Variants in LRRC2 observed in about 807,000 individuals in gnomAD.
LRRC2 encodes leucine rich repeat containing 2.
LRRC2 carries 27 observed loss-of-function variants against 40.2 expected under a neutral mutation model. The observed-to-expected ratio is 0.67, with a 90% CI of 0.49 to 0.93. The LOEUF (loss-of-function observed/expected upper bound fraction) is 0.93, where lower values mean the gene tolerates loss of function less well. Among genes scored for constraint, LRRC2 ranks in the 40% least tolerant of loss-of-function variants. The pLI, the probability that LRRC2 is intolerant of heterozygous loss-of-function variation, is 0.00. For synonymous variants in LRRC2, 147 were observed against 158.9 expected (o/e 0.92, Z 0.56); for missense variants, 402 against 439.6 (o/e 0.91, Z 0.76).
At chr3:46,566,118 A>C (rs1705057142) in intron 1 of LRRC2, 59 bp downstream of exon 1, 1 of 152,302 alleles carries the variant, frequency 6.6e-6, no homozygotes, top group African/African-American at 2.4e-5. Context: ...GCGTCCTCCC[A>C]CGGGGAGCGC....
intron 6 of LRRC2, among the ~76,000 whole-genome samples, chr3:46,529,579 T>G (rs1471185508): frequency 6.6e-6 from 1 of 152,236 alleles, no homozygotes; most frequent in Non-Finnish European, 1.5e-5. Context: ...GTGATATGTT[T>G]CTATTCTATA....
intron 2 of LRRC2, among the ~76,000 whole-genome samples, chr3:46,545,676 G>A (rs1222849687): frequency 1.3e-5 from 2 of 152,186 alleles, no homozygotes; most frequent in African/African-American, 4.8e-5. Context: ...TTTTATTCCT[G>A]TAGATGGACC....
intron 7 of LRRC2, 22 bp from the exon 8 acceptor site, chr3:46,521,680 G>A (rs750926777): frequency 6.3e-7 from 1 of 1,599,430 alleles, no homozygotes; most frequent in South Asian, 1.1e-5. Flanking sequence ...AGCATGGGAA[G>A]TATCACATTA....
At chr3:46,556,294 A>G (rs879858486) in intron 1 of LRRC2, among the ~76,000 whole-genome samples, 1 of 151,810 alleles carries the variant, frequency 6.6e-6, no homozygotes, top group Non-Finnish European at 1.5e-5. Context: ...TAATTTTTTT[A>G]AAAAAATATT....
chr3:46,527,325 G>C, intron 7 of LRRC2, 101 bp downstream of exon 7: 5 of 1,237,992 alleles, frequency 4.0e-6, no homozygotes, highest in African/African-American at 3.0e-5. Context: ...CAGAGTACGA[G>C]AGCCATCTAA....
intron 4 of LRRC2, among the ~76,000 whole-genome samples, chr3:46,533,799 G>GTTTCTTTCTTTCTTTCTTTCTTTCTTTC (rs139748444): frequency 1.3e-4 from 8 of 60,820 alleles, no homozygotes; most frequent in Admixed American, 1.9e-4. Context: ...TTCTTTCTTT[G>GTTTCTTTCTTTCTTTCTTTCTTTCTTTC]TTTCTTTCTT....
At chr3:46,550,069 A>T (rs1161834923) in intron 2 of LRRC2, among the ~76,000 whole-genome samples, 1 of 152,158 alleles carries the variant, frequency 6.6e-6, no homozygotes, top group Non-Finnish European at 1.5e-5. Context: ...GCAATCCTTT[A>T]TGTCATATTG....
At chr3:46,526,999 G>C (rs993481985) in intron 7 of LRRC2, among the ~76,000 whole-genome samples, 1 of 152,236 alleles carries the variant, frequency 6.6e-6, no homozygotes, top group African/African-American at 2.4e-5. Flanking sequence ...CCAGATTGGA[G>C]GCTGTTTGGA....
intron 6 of LRRC2, among the ~76,000 whole-genome samples, chr3:46,528,992 C>T (rs1704111529): frequency 6.6e-6 from 1 of 152,044 alleles, no homozygotes; most frequent in South Asian, 2.1e-4. Flanking sequence ...TGGCACACAT[C>T]TGTGGCCCCA....
At chr3:46,528,708 T>C (rs1185779173) in intron 6 of LRRC2, among the ~76,000 whole-genome samples, 1 of 152,138 alleles carries the variant, frequency 6.6e-6, no homozygotes, top group Non-Finnish European at 1.5e-5. Flanking sequence ...CTAGAAAGCA[T>C]CAATACACAT....
intron 1 of LRRC2, among the ~76,000 whole-genome samples, chr3:46,563,143 A>G (rs751416496): frequency 6.6e-6 from 1 of 152,022 alleles, no homozygotes; most frequent in South Asian, 2.1e-4. Flanking sequence ...GTTATCACCT[A>G]CATCTTAGAG....
chr3:46,521,578 C>T lies in LRRC2; in HGVS notation c.1010G>A (p.Arg337His), dbSNP rs746621733. The change falls in exon 8 of 9, where the codon CGC (arginine) becomes CAC (histidine). Residue 337 changes from arginine to histidine, a missense_variant. By Grantham distance (29) the Arg-to-His change is conservative (BLOSUM62 0). Coordinates refer to ENST00000395905, the MANE Select transcript of LRRC2 (RefSeq NM_024512.5). ...CATAACTTCTTTATCAAAATGTTGG[C>T]GATCCCGTTCACTTTCCATTATTTC... is the stretch of plus-strand genomic sequence containing the variant. ...GNEIMESERD[R>H]QHFDKEVMKA... The T allele has an allele frequency of 2.6e-5, 42 of 1,612,652 alleles. No homozygotes were observed. The highest frequency in any genetic ancestry group is 2.0e-4 in the South Asian group (18 of 91,014).
chr3:46,544,857 C>T (rs183012590), intron 3 of LRRC2, among the ~76,000 whole-genome samples, 189 bp downstream of exon 3: 14 of 152,338 alleles, frequency 9.2e-5, no homozygotes, highest in African/African-American at 3.1e-4. Flanking sequence ...ACGTGCATCC[C>T]AGCTGCTCAG....
intron 1 of LRRC2, among the ~76,000 whole-genome samples, chr3:46,562,828 A>C (rs1334925026): frequency 6.6e-6 from 1 of 151,624 alleles, no homozygotes; most frequent in South Asian, 2.1e-4. Flanking sequence ...TCCTGGGTTC[A>C]AGCAATTCTT....
At chr3:46,532,442 TA>T (rs1298597366) in intron 5 of LRRC2, among the ~76,000 whole-genome samples, 1 of 152,014 alleles carries the variant, frequency 6.6e-6, no homozygotes, top group Admixed American at 6.5e-5. Flanking sequence ...CCACCTCTAC[TA>T]AAAATACAAA....
chr3:46,539,147 T>G lies in LRRC2; in HGVS notation c.388A>C (p.Asn130His), dbSNP rs372039183. The change falls in exon 4 of 9, where the codon AAT (asparagine) becomes CAT (histidine). Residue 130 changes from asparagine (N) to histidine (H), a missense_variant. Coordinates refer to ENST00000395905, the MANE Select transcript of LRRC2 (RefSeq NM_024512.5). ...GTAGGAATGATTTGAATCAAGGTAT[T>G]GCTTATGTACCATTCTCTCAGGTGT... ...QTHLREWYIS[N>H]TLIQIIPTYI... The G allele has an allele frequency of 1.4e-5, 22 of 1,613,944 alleles. No homozygotes were observed. Among genetic ancestry groups the G allele is most frequent in the Non-Finnish European group, 1.8e-5 (21 of 1,179,940 alleles).
At chr3:46,528,901 C>T (rs547513643) in intron 6 of LRRC2, among the ~76,000 whole-genome samples, 1 of 152,034 alleles carries the variant, frequency 6.6e-6, no homozygotes, top group East Asian at 1.9e-4. Flanking sequence ...TGCTTGAGTC[C>T]AGGAATTCAA....
At chr3:46,555,345 T>C (rs1166976501) in intron 1 of LRRC2, among the ~76,000 whole-genome samples, 1 of 152,180 alleles carries the variant, frequency 6.6e-6, no homozygotes, top group Non-Finnish European at 1.5e-5. Flanking sequence ...ATGCCATTTA[T>C]ATTTAATACA....
Position 46,533,521 on chromosome 3 carries a change from T to C in LRRC2, c.491-612A>G, listed in dbSNP as rs528080414. 5.3e-5 allele frequency among the ~76,000 whole-genome samples: 8 copies of C among 152,288 alleles called. No homozygotes were observed. In the East Asian group the frequency reaches 1.5e-3, roughly 29 times the overall value. On this transcript the variant is annotated intron_variant, in intron 4 of 8. Coordinates refer to ENST00000395905, the MANE Select transcript of LRRC2 (RefSeq NM_024512.5). ...AAATGCATTTAATACACCTAACCTA[T>C]CAAACATTGTAGCTTCACCTAGCCT... is the stretch of plus-strand genomic sequence containing the variant.
Sources: allele counts gnomAD v4.1 joint callset (sites outside exome capture counted in the v4.1 genomes callset), GRCh38; gene constraint gnomAD v4.1.1; transcripts MANE v1.5; gene names NCBI Gene and HGNC (gene_info 2026-07-23, HGNC 2026-07-21).